The following NBAS variants were observed in gnomAD, a reference collection of about 807,000 sequenced individuals.
NBAS encodes the protein NAG/BC035112 fusion.
A neutral mutation model predicts 302.5 loss-of-function variants in NBAS; 219 were observed. The observed-to-expected ratio is 0.72, with a 90% CI of 0.65 to 0.81. NBAS has a LOEUF of 0.81. NBAS is among the 30% of genes least tolerant of loss of function. NBAS has a pLI of 0.00. For synonymous variants in NBAS, 1,118 were observed against 1,021.6 expected (o/e 1.09, Z -1.80); for missense variants, 2,932 against 2,841.6 (o/e 1.03, Z -0.72).
chr2:15,047,567 G>A, the NBAS span, among the ~76,000 whole-genome samples: 6 of 149,514 alleles, frequency 4.0e-5, no homozygotes, highest in East Asian at 4.0e-4. Context: ...GGCTGGGCCC[G>A]TGCAAGTGAA....
At chr2:15,335,952 C>T (rs1374610643) in intron 35 of NBAS, among the ~76,000 whole-genome samples, 1 of 152,070 alleles carries the variant, frequency 6.6e-6, no homozygotes, top group African/African-American at 2.4e-5. Context: ...AAAAATTACG[C>T]AGGCATTGTG....
At chr2:15,161,283 T>C in the NBAS span, among the ~76,000 whole-genome samples, 5 of 152,202 alleles carry the variant, frequency 3.3e-5, no homozygotes, top group African/African-American at 1.2e-4. Flanking sequence ...TGAACACATA[T>C]AGGCGCTCAG....
the NBAS span, among the ~76,000 whole-genome samples, chr2:14,969,536 G>C: frequency 2.3e-3 from 353 of 150,912 alleles, no homozygotes; most frequent in African/African-American, 8.3e-3. Context: ...ACCACCATAC[G>C]CGGCTAATTT....
At chr2:15,443,183 G>T (rs1678528937) in intron 21 of NBAS, among the ~76,000 whole-genome samples, 1 of 151,968 alleles carries the variant, frequency 6.6e-6, no homozygotes, top group South Asian at 2.1e-4. Context: ...TAGCAAAGCT[G>T]GGCAGAGACA....
chr2:15,029,831 C>G, the NBAS span, among the ~76,000 whole-genome samples: 1 of 152,172 alleles, frequency 6.6e-6, no homozygotes, highest in South Asian at 2.1e-4. Context: ...GTCTGGTGCC[C>G]TTCCCAATGT....
chr2:15,453,662 T>C (rs1679121888), intron 21 of NBAS, among the ~76,000 whole-genome samples: 1 of 152,220 alleles, frequency 6.6e-6, no homozygotes, highest in Non-Finnish European at 1.5e-5. Context: ...TTACAGTCCA[T>C]CTGCATGTTA....
the NBAS span, among the ~76,000 whole-genome samples, chr2:15,041,718 C>T: frequency 4.6e-5 from 7 of 152,202 alleles, no homozygotes; most frequent in Middle Eastern, 3.2e-3. Context: ...AGAAATCTTC[C>T]GCCACTCTAC....
At chr2:15,125,881 G>A in the NBAS span, among the ~76,000 whole-genome samples, 1 of 152,176 alleles carries the variant, frequency 6.6e-6, no homozygotes, top group African/African-American at 2.4e-5. Context: ...TGATTAAGTT[G>A]ATGCTGGAAC....
chr2:15,287,181 G>T lies in NBAS; in HGVS notation c.5030C>A (p.Thr1677Asn), dbSNP rs1211767148. ...AATGCTGTAGACGCTTTCCTCTAGA[G>T]TTCTGCAGAAATGTCCATCAAGCCC... is the stretch of plus-strand genomic sequence containing the variant. ...KRETILGLAE[T>N]LEESVYSIAI... The change falls in exon 42 of 52, where the codon ACT (threonine) becomes AAT (asparagine). Residue 1677 changes from threonine to asparagine, a missense_variant and splice_region_variant. Transcript: ENST00000281513. 3 of 1,612,050 alleles carry T rather than the reference G, an allele frequency of 1.9e-6. No homozygotes were observed. Among genetic ancestry groups the T allele is most frequent in the Non-Finnish European group, 2.5e-6 (3 of 1,178,214 alleles).
chr2:15,265,129 G>C (rs1435378111), intron 44 of NBAS, among the ~76,000 whole-genome samples: 1 of 152,178 alleles, frequency 6.6e-6, no homozygotes, highest in Admixed American at 6.5e-5. Flanking sequence ...GTAAGACATT[G>C]TATAGGCTGA....
At chr2:15,402,399 A>C in intron 25 of NBAS, 98 bp from the exon 26 acceptor site, 1 of 1,134,826 alleles carries the variant, frequency 8.8e-7, no homozygotes, top group Non-Finnish European at 1.3e-6. Context: ...AAATAGCACA[A>C]TTAATCAACT....
At chr2:15,111,288 A>T in the NBAS span, among the ~76,000 whole-genome samples, 1 of 152,108 alleles carries the variant, frequency 6.6e-6, no homozygotes, top group Non-Finnish European at 1.5e-5. Context: ...GAACTAAGAG[A>T]GCAAAAAGTA....
chr2:15,274,560 C>T (rs188036196), intron 44 of NBAS, among the ~76,000 whole-genome samples: 2 of 151,872 alleles, frequency 1.3e-5, no homozygotes, highest in Admixed American at 6.6e-5. Flanking sequence ...TGTTTAGCAG[C>T]GGTGTCTAGG....
intron 48 of NBAS, among the ~76,000 whole-genome samples, chr2:15,195,545 T>C (rs1043722409): frequency 3.3e-5 from 5 of 152,176 alleles, no homozygotes; most frequent in African/African-American, 9.6e-5. Flanking sequence ...TAGGCAGACA[T>C]GAGCAGGGTA....
chr2:15,020,672 A>G, the NBAS span, among the ~76,000 whole-genome samples: 9 of 152,216 alleles, frequency 5.9e-5, no homozygotes, highest in South Asian at 6.2e-4. Context: ...TGAAAGAGGA[A>G]GATTGGAAAC....
At chr2:15,298,248 T>C (rs1670639873) in intron 40 of NBAS, among the ~76,000 whole-genome samples, 1 of 152,214 alleles carries the variant, frequency 6.6e-6, no homozygotes, top group African/African-American at 2.4e-5. Flanking sequence ...GTTGTAAGTA[T>C]ATACAAGTTT....
At chr2:15,162,866 A>G (rs755144698), downstream of NBAS, among the ~76,000 whole-genome samples, 1 of 152,216 alleles carries the variant, frequency 6.6e-6, no homozygotes, top group African/African-American at 2.4e-5. Context: ...AAATTAGACT[A>G]CTGAGCTGCT....
chr2:15,193,496 TACA>T (rs1665461372), intron 48 of NBAS, among the ~76,000 whole-genome samples: 1 of 152,156 alleles, frequency 6.6e-6, no homozygotes, highest in Non-Finnish European at 1.5e-5. Context: ...TACCTTCAAA[TACA>T]ACAAGTGCTC....
chr2:15,493,363 A>G (rs1440424429), intron 11 of NBAS, among the ~76,000 whole-genome samples: 2 of 152,186 alleles, frequency 1.3e-5, no homozygotes, highest in Non-Finnish European at 2.9e-5. Flanking sequence ...AAGCAACTAC[A>G]TATCACAATA....
Sources: gnomAD v4.1 joint callset for allele counts (sites outside exome capture counted in the v4.1 genomes callset) on GRCh38, gnomAD v4.1.1 for gene constraint, MANE v1.5 for transcripts, NCBI Gene and HGNC (gene_info 2026-07-23, HGNC 2026-07-21) for gene names.